The following FMN1 variants were observed in gnomAD, a reference collection of about 807,000 sequenced individuals.
FMN1 encodes the protein formin-1.
Under a neutral mutation model 132.4 loss-of-function variants are expected in FMN1, and 110 were observed. That is an observed-to-expected ratio of 0.83 (90% CI 0.71 to 0.97). The LOEUF (loss-of-function observed/expected upper bound fraction) is 0.97. Among genes scored for constraint, FMN1 ranks in the 50% least tolerant of loss-of-function variants. The pLI is 0.00. For missense variants in FMN1, 1,792 were observed against 1,705.3 expected (o/e 1.05, Z -0.90); for synonymous variants, 722 against 651.7 (o/e 1.11, Z -1.64).
rs1555388954 is a variant in FMN1, at chr15:33,048,644, A to AAACAAAAAAAAAAAAAAAAC, written c.2161+16312_2161+16313insGTTTTTTTTTTTTTTTTGTT. Among the ~76,000 whole-genome samples, 99 of 86,908 alleles carry AAACAAAAAAAAAAAAAAAAC rather than the reference A, an allele frequency of 1.1e-3. 2 individuals are homozygous for AAACAAAAAAAAAAAAAAAAC. Among genetic ancestry groups the AAACAAAAAAAAAAAAAAAAC allele is most frequent in the Non-Finnish European group, 1.5e-3 (63 of 42,060 alleles). The allele number at this position is 86,908 out of a possible 152,430, so 57.0% of individuals were successfully genotyped here. Reference sequence around the variant, plus strand: ...TGGGCAATTTACCAAAAAAAAAAAAAAAAAACCAACAGTTTAATGGACTTA... The same window carrying AAACAAAAAAAAAAAAAAAAC: ...TGGGCAATTTACCAAAAAAAAAAAAAAACAAAAAAAAAAAAAAAACAAAAACCAACAGTTTAATGGACTTA... On this transcript the variant is annotated intron_variant, in intron 6 of 20. Transcript: ENST00000616417.
intron 6 of FMN1, chr15:33,013,056 C>A (rs1459687272): frequency 1.0e-5 from 4 of 400,766 alleles, no homozygotes; most frequent in East Asian, 1.4e-4. Flanking sequence ...ATGGCACTGG[C>A]AGAAGATTTT....
intron 5 of FMN1, among the ~76,000 whole-genome samples, chr15:33,086,503 T>G (rs972887717): frequency 6.6e-6 from 1 of 152,036 alleles, no homozygotes. Flanking sequence ...AAGTAATCAT[T>G]TAATTTACAG....
chr15:32,992,285 G>A (rs963403353), intron 7 of FMN1, among the ~76,000 whole-genome samples: 6 of 152,098 alleles, frequency 3.9e-5, no homozygotes, highest in Non-Finnish European at 5.9e-5. Flanking sequence ...CCATCAAAAC[G>A]GGAATCAATG....
intron 6 of FMN1, among the ~76,000 whole-genome samples, chr15:33,022,803 A>G (rs965628768): frequency 1.3e-5 from 2 of 152,158 alleles, no homozygotes; most frequent in Admixed American, 6.5e-5. Flanking sequence ...CCAGGCCCAG[A>G]CTTGTTGCCT....
At chr15:32,975,894 TCCC>T (rs1279911677) in intron 7 of FMN1, among the ~76,000 whole-genome samples, 2 of 152,046 alleles carry the variant, frequency 1.3e-5, no homozygotes, top group African/African-American at 4.8e-5. Flanking sequence ...TTTAATATCC[TCCC>T]CATTACCACT....
intron 6 of FMN1, chr15:33,011,973 A>G (rs1211894330): frequency 1.3e-5 from 3 of 228,058 alleles, no homozygotes; most frequent in African/African-American, 6.9e-5. Flanking sequence ...ATGAACAATG[A>G]TATTTTCTAA....
At chr15:32,785,461 A>C (rs2056845393) in intron 19 of FMN1, among the ~76,000 whole-genome samples, 1 of 151,778 alleles carries the variant, frequency 6.6e-6, no homozygotes, top group African/African-American at 2.4e-5. Context: ...TTTACACTCT[A>C]ACCTATGGAA....
At position 32,969,493 on chromosome 15, in the gene FMN1, G is replaced by A; in HGVS notation, c.2224-16C>T. 1.9e-6 allele frequency: 3 copies of A among 1,609,630 alleles called. No individual in the cohort carries two copies. Among genetic ancestry groups the A allele is most frequent in the Non-Finnish European group, 2.5e-6 (3 of 1,177,826 alleles). ...CAAACTGTGCCTATAGGAAAATTCAGAGGGAAAGAAAGTAATGAGTTTATT... is the reference window on the plus strand; with the variant it reads ...CAAACTGTGCCTATAGGAAAATTCAAAGGGAAAGAAAGTAATGAGTTTATT... On this transcript the variant is annotated splice_polypyrimidine_tract_variant and intron_variant, in intron 7 of 20. Coordinates refer to ENST00000616417, the MANE Select transcript of FMN1 (RefSeq NM_001277313.2).
intron 6 of FMN1, among the ~76,000 whole-genome samples, chr15:33,017,610 A>T (rs2035133930): frequency 6.6e-6 from 1 of 152,230 alleles, no homozygotes; most frequent in Admixed American, 6.5e-5. Context: ...AAATCCCATG[A>T]ATTTAGGAAT....
chr15:32,913,713 T>C (rs902945903), intron 10 of FMN1, among the ~76,000 whole-genome samples: 1 of 152,220 alleles, frequency 6.6e-6, no homozygotes, highest in Non-Finnish European at 1.5e-5. Context: ...GTATGTTGCA[T>C]AACTGTTTCC....
chr15:32,848,596 T>C (rs181287089), intron 17 of FMN1, among the ~76,000 whole-genome samples: 1 of 152,300 alleles, frequency 6.6e-6, no homozygotes, highest in East Asian at 1.9e-4. Flanking sequence ...GTAAGACCAT[T>C]TGGTTTCCAA....
intron 4 of FMN1, among the ~76,000 whole-genome samples, chr15:33,100,975 T>C (rs1365418954): frequency 1.3e-5 from 2 of 152,240 alleles, no homozygotes; most frequent in African/African-American, 4.8e-5. Flanking sequence ...ACCCTGATTT[T>C]AAACACATAA....
At chr15:32,797,907 T>C (rs2057342280) in intron 19 of FMN1, among the ~76,000 whole-genome samples, 2 of 152,148 alleles carry the variant, frequency 1.3e-5, no homozygotes. Context: ...AAATACTGAA[T>C]TATGGAATGT....
At chr15:32,919,690 C>A (rs114359587) in intron 10 of FMN1, among the ~76,000 whole-genome samples, 80 of 152,238 alleles carry the variant, frequency 5.3e-4, no homozygotes, top group African/African-American at 1.8e-3. Flanking sequence ...TAAAAAAATT[C>A]TGAAGACCAA....
Position 32,767,694 on chromosome 15 carries a change from C to T in FMN1, c.*6616G>A, listed in dbSNP as rs1223928980. 6 of 152,184 alleles carry T rather than the reference C, an allele frequency of 3.9e-5. No homozygotes were observed. The highest frequency in any genetic ancestry group is 7.3e-5 in the Non-Finnish European group (5 of 68,034). The allele number at this position is 152,184 out of a possible 1,614,324, so 9.4% of individuals were successfully genotyped here. A position where few individuals can be genotyped will look rare whatever the true frequency, so the allele number is the denominator to read the frequency against. On this transcript the variant is annotated 3_prime_UTR_variant, in exon 21 of 21. Coordinates refer to ENST00000616417, the MANE Select transcript of FMN1 (RefSeq NM_001277313.2). ...CTTTGAAGATAAGACATCTAGCTGACAGTAGGGTCATATTACTTATGCCTT... is the reference window on the plus strand; with the variant it reads ...CTTTGAAGATAAGACATCTAGCTGATAGTAGGGTCATATTACTTATGCCTT...
At chr15:33,077,054 A>T (rs2038240436) in intron 5 of FMN1, among the ~76,000 whole-genome samples, 1 of 152,234 alleles carries the variant, frequency 6.6e-6, no homozygotes, top group Non-Finnish European at 1.5e-5. Flanking sequence ...TTTGAGACAG[A>T]GTCTTGCTCT....
At chr15:32,940,111 A>G (rs1345528363) in intron 9 of FMN1, among the ~76,000 whole-genome samples, 1 of 152,166 alleles carries the variant, frequency 6.6e-6, no homozygotes, top group East Asian at 1.9e-4. Context: ...AAATACAAAA[A>G]CTGAGAACTA....
chr15:32,785,217 TA>T lies in FMN1; in HGVS notation c.4131-8299del, dbSNP rs1332297729. On this transcript the variant is annotated intron_variant, in intron 19 of 20. Transcript: ENST00000616417. ...GTGTGTGTGTATATATATATATATA[TA>T]TTTTTTTTTTTTTTTTTTTGTAGAG... 5.2e-4 allele frequency among the ~76,000 whole-genome samples: 28 copies of T among 54,014 alleles called. No homozygotes were observed. The East Asian group carries it at 8.6e-3, about 17-fold the overall frequency. The allele number at this position is 54,014 out of a possible 152,430, so 35.4% of individuals were successfully genotyped here.
intron 12 of FMN1, among the ~76,000 whole-genome samples, chr15:32,902,320 T>C (rs1442743490): frequency 6.6e-6 from 1 of 152,164 alleles, no homozygotes; most frequent in African/African-American, 2.4e-5. Context: ...AAGTTATCTA[T>C]CTCCTGCTGC....
Sources: allele counts gnomAD v4.1 joint callset (sites outside exome capture counted in the v4.1 genomes callset), GRCh38; gene constraint gnomAD v4.1.1; transcripts MANE v1.5; gene names NCBI Gene and HGNC (gene_info 2026-07-23, HGNC 2026-07-21).